The following PCDHGB2 variants were observed in gnomAD, a reference collection of about 807,000 sequenced individuals.
PCDHGB2 encodes protocadherin gamma-B2.
A neutral mutation model predicts 59.3 loss-of-function variants in PCDHGB2; 55 were observed. The ratio of observed to expected loss-of-function variants is 0.93; its 90% confidence interval spans 0.75 to 1.16. PCDHGB2 has a LOEUF of 1.16. PCDHGB2 is among the 50% of genes most tolerant of loss of function. PCDHGB2 has a pLI of 0.00. For synonymous variants in PCDHGB2, 516 were observed against 512.0 expected (o/e 1.01, Z -0.11); for missense variants, 1,228 against 1,198.5 (o/e 1.02, Z -0.36).
At chr5:141,365,152 CG>C in intron 1 of PCDHGB2, 1 of 1,613,880 alleles carries the variant, frequency 6.2e-7, no homozygotes, top group South Asian at 1.1e-5. Context: ...AGGGAATAAA[CG>C]GGAAATTGAC....
intron 1 of PCDHGB2, chr5:141,371,948 A>C (rs200505160): frequency 1.9e-6 from 3 of 1,613,136 alleles, no homozygotes; most frequent in Admixed American, 1.7e-5. Context: ...TCGCGCAGCG[A>C]GCCTTCGACC....
intron 1 of PCDHGB2, among the ~76,000 whole-genome samples, chr5:141,381,826 C>CTTCT (rs1777532522): frequency 2.0e-4 from 15 of 74,296 alleles, no homozygotes; most frequent in South Asian, 5.2e-4. Context: ...CTTTCTTCTT[C>CTTCT]TTTTTTTTTT....
At chr5:141,482,555 T>C (rs1419129474) in intron 1 of PCDHGB2, among the ~76,000 whole-genome samples, 1 of 116,392 alleles carries the variant, frequency 8.6e-6, no homozygotes, top group African/African-American at 3.8e-5. Context: ...AAAAAGATAA[T>C]GGAGATCTGC....
In PCDHGB2 at chr5:141,374,712, T is replaced by C. The variant is rs745500934; in HGVS notation, c.2421+12156T>C. The stretch of plus-strand genomic sequence containing the variant: ...CGGGAAGGAGAAGCCGTTTACCGCC[T>C]GGTCCTTACTGCCATGGATGGCGGC... On this transcript the variant is annotated intron_variant, in intron 1 of 3. Transcript: ENST00000522605. The C allele has an allele frequency of 6.2e-7, 1 of 1,609,662 alleles. No individual in the cohort carries two copies. The highest frequency in any genetic ancestry group is 8.5e-7 in the Non-Finnish European group (1 of 1,177,766).
intron 1 of PCDHGB2, chr5:141,393,681 C>G (rs2092820491): frequency 1.2e-6 from 2 of 1,613,772 alleles, no homozygotes; most frequent in Non-Finnish European, 1.7e-6. Context: ...AAAACAAACT[C>G]CGTTATTCCA....
Position 141,491,754 on chromosome 5 carries a change from C to T in PCDHGB2, c.2422-3053C>T. ...CCCCTGGGGGCGGCACTGGAGAAGC[C>T]GCCCGTCCTCATAAGGGATTGAACT... On this transcript the variant is annotated intron_variant, in intron 1 of 3. Transcript: ENST00000522605. The surrounding 1 kb of genome is among the most constrained non-coding windows in gnomAD (Gnocchi z 6.9). 5.7e-6 allele frequency: 9 copies of T among 1,582,682 alleles called. No individual in the cohort carries two copies. The highest frequency in any genetic ancestry group is 7.7e-6 in the Non-Finnish European group (9 of 1,165,614).
Position 141,364,781 on chromosome 5 carries a change from C to G in PCDHGB2, c.2421+2225C>G, listed in dbSNP as rs754157065. On this transcript the variant is annotated intron_variant, in intron 1 of 3. Transcript: ENST00000522605. ...TAATGAAAATGCGGCTGCAGGGACA[C>G]GGTTAGTGCTTCCCTTCGCGCGGGA... 5 of 1,613,988 alleles carry G rather than the reference C, an allele frequency of 3.1e-6. No homozygotes were observed. The South Asian group carries it at 3.3e-5, about 11-fold the overall frequency.
chr5:141,386,612 T>C (rs2090642858), intron 1 of PCDHGB2, among the ~76,000 whole-genome samples: 1 of 152,012 alleles, frequency 6.6e-6, no homozygotes, highest in South Asian at 2.1e-4. Context: ...TTTTTTGACA[T>C]GGAGTCTCGC....
rs1383090266 is a variant in PCDHGB2, at chr5:141,388,828, T to C, written c.2421+26272T>C. 6.2e-7 allele frequency: 1 copy of C among 1,613,894 alleles called. No homozygotes were observed. Among genetic ancestry groups the C allele is most frequent in the South Asian group, 1.1e-5 (1 of 91,070 alleles). ...TTTGAAGAAGTCAAAGAATATTCCA[T>C]AGTTTTGGAAGCAAGGGACGGTGGA... On this transcript the variant is annotated intron_variant, in intron 1 of 3. Coordinates refer to ENST00000522605, the MANE Select transcript of PCDHGB2 (RefSeq NM_018923.3).
intron 1 of PCDHGB2, chr5:141,421,412 A>T (rs375885183): frequency 4.3e-6 from 7 of 1,613,962 alleles, no homozygotes; most frequent in Non-Finnish European, 5.9e-6. Context: ...GAGCTGGCGA[A>T]GCGCGGAGTC....
intron 1 of PCDHGB2, chr5:141,408,686 A>G (rs2095150873): frequency 6.2e-7 from 1 of 1,613,848 alleles, no homozygotes; most frequent in Non-Finnish European, 8.5e-7. Flanking sequence ...GGATCCTGAT[A>G]TAAACATAAA....
chr5:141,393,950 T>C (rs1203228447), intron 1 of PCDHGB2: 1 of 1,613,996 alleles, frequency 6.2e-7, no homozygotes, highest in Non-Finnish European at 8.5e-7. Context: ...CTGGAAAGAA[T>C]GGTCAAGTTG....
At chr5:141,377,906 C>G (rs777974750) in intron 1 of PCDHGB2, 1 of 152,162 alleles carries the variant, frequency 6.6e-6, no homozygotes, top group East Asian at 1.9e-4. Context: ...GTTGCCCAGT[C>G]TGGAGTAAAA....
rs761704779 is a variant in PCDHGB2 at position 141,486,764 on chromosome 5, C to T, written c.2422-8043C>T. ...CTTTGACTATGAGCAAACCCAGACA[C>T]TGCAGTTTGAGGTGCAGGCCCGGGA... On this transcript the variant is annotated intron_variant, in intron 1 of 3. Transcript: ENST00000522605. This position sits in a 1 kb window ranked among gnomAD's most constrained non-coding sequence, Gnocchi z 5.0. 6.2e-7 allele frequency: 1 copy of T among 1,614,264 alleles called. No homozygotes were observed. The highest frequency in any genetic ancestry group is 2.2e-5 in the East Asian group (1 of 44,880).
rs1418271960 is a variant in PCDHGB2 at position 141,372,958 on chromosome 5, T to C, written c.2421+10402T>C. ...AGTAGGGTGTCTAGGAAATTCTTTG[T>C]AGAATTTCCTGTAGAATATCTGTGT... On this transcript the variant is annotated intron_variant, in intron 1 of 3. Transcript: ENST00000522605. 8.4e-6 allele frequency: 6 copies of C among 710,456 alleles called. No individual in the cohort carries two copies. The Middle Eastern group carries it at 1.1e-3, about 132-fold the overall frequency. The allele number at this position is 710,456 out of a possible 1,614,324, so 44.0% of individuals were successfully genotyped here. A position where few individuals can be genotyped will look rare whatever the true frequency, so the allele number is the denominator to read the frequency against.
chr5:141,406,258 G>A (rs895877034), intron 1 of PCDHGB2, among the ~76,000 whole-genome samples: 2 of 151,882 alleles, frequency 1.3e-5, no homozygotes, highest in African/African-American at 4.8e-5. Context: ...GGTCTCAAAC[G>A]ATCTTCCTGC....
In PCDHGB2 at chr5:141,491,907, G is replaced by A; in HGVS notation, c.2422-2900G>A. 5 of 1,408,726 alleles carry A rather than the reference G, an allele frequency of 3.5e-6. No homozygotes were observed. In the South Asian group the frequency reaches 7.5e-5, roughly 21 times the overall value. The allele number at this position is 1,408,726 out of a possible 1,614,324, so 87.3% of individuals were successfully genotyped here. A position where few individuals can be genotyped will look rare whatever the true frequency, so the allele number is the denominator to read the frequency against. ...TGGGGCTCCGAGCACCGGGGGTGGTGGCGACTGTGGGCGAGGGGAGGTGGG... is the reference window on the plus strand; with the variant it reads ...TGGGGCTCCGAGCACCGGGGGTGGTAGCGACTGTGGGCGAGGGGAGGTGGG... On this transcript the variant is annotated intron_variant, in intron 1 of 3. Coordinates refer to ENST00000522605, the MANE Select transcript of PCDHGB2 (RefSeq NM_018923.3). This position sits in a 1 kb window ranked among gnomAD's most constrained non-coding sequence, Gnocchi z 6.9.
At chr5:141,391,324 T>C (rs1246568740) in intron 1 of PCDHGB2, 2 of 151,644 alleles carry the variant, frequency 1.3e-5, no homozygotes, top group Non-Finnish European at 2.9e-5. Context: ...TTTCTTTTTT[T>C]TTTTTTGAGA....
rs1024686607 is a variant in PCDHGB2, at chr5:141,487,597, T to C, written c.2422-7210T>C. 6.2e-7 allele frequency: 1 copy of C among 1,614,178 alleles called. No homozygotes were observed. The highest frequency in any genetic ancestry group is 8.5e-7 in the Non-Finnish European group (1 of 1,180,040). ...TTCGCCCAAGCTGCCCACCCTCTGA[T>C]CTTCTCTATGGGCTAGAGGTGAGAC... On this transcript the variant is annotated intron_variant, in intron 1 of 3. Coordinates refer to ENST00000522605, the MANE Select transcript of PCDHGB2 (RefSeq NM_018923.3). The surrounding 1 kb of genome is among the most constrained non-coding windows in gnomAD (Gnocchi z 5.0).
Sources: gnomAD v4.1 joint callset for allele counts (sites outside exome capture counted in the v4.1 genomes callset) on GRCh38, gnomAD v4.1.1 for gene constraint, Gnocchi (gnomAD v3.1) non-coding constraint, MANE v1.5 for transcripts, NCBI Gene and HGNC (gene_info 2026-07-23, HGNC 2026-07-21) for gene names.